Variants in ZNF148 observed in about 807,000 individuals in gnomAD.
The protein encoded by ZNF148 is zinc finger protein 148, also known as Beta-Enolase Repressor Factor-1.
In ZNF148, 7 loss-of-function variants were observed where a neutral mutation model predicts 67.7. The ratio of observed to expected loss-of-function variants is 0.10; its 90% CI spans 0.06 to 0.19. The LOEUF (loss-of-function observed/expected upper bound fraction) is 0.19. ZNF148 is among the 10% of genes least tolerant of loss of function. The pLI, the probability that ZNF148 is intolerant of heterozygous loss-of-function variation, is 1.00. For synonymous variants in ZNF148, 333 were observed against 330.7 expected, an observed-to-expected ratio of 1.01 and a Z score of -0.08; for missense variants, 583 against 947.1, an observed-to-expected ratio of 0.62 and a Z score of 5.05.
intron 4 of ZNF148, among the ~76,000 whole-genome samples, chr3:125,303,790 C>T (rs922690059): frequency 6.6e-6 from 1 of 151,936 alleles, no homozygotes; most frequent in African/African-American, 2.4e-5. Context: ...ATCTCCACCC[C>T]CACCCCATTC....
chr3:125,244,111 C>T (rs376554915), intron 7 of ZNF148, among the ~76,000 whole-genome samples: 1 of 152,126 alleles, frequency 6.6e-6, no homozygotes, highest in Non-Finnish European at 1.5e-5. Flanking sequence ...CTCCAGGTGT[C>T]CCACAAAATG....
Position 125,323,319 on chromosome 3 carries a change from G to T in ZNF148, c.-27C>A. ...AAGTATTAAAATTACCCGAGACTAAGGTAAAAACGAAGACTTCAAGGAAAG... is the reference window on the plus strand; with the variant it reads ...AAGTATTAAAATTACCCGAGACTAATGTAAAAACGAAGACTTCAAGGAAAG... On this transcript the variant is annotated 5_prime_UTR_variant, in exon 3 of 9. Coordinates refer to ENST00000360647, the MANE Select transcript of ZNF148 (RefSeq NM_021964.3). 2 of 639,992 alleles carry T rather than the reference G, an allele frequency of 3.1e-6. No individual in the cohort carries two copies. Among genetic ancestry groups the T allele is most frequent in the South Asian group, 3.6e-5 (2 of 56,020 alleles). The allele number at this position is 639,992 out of a possible 1,614,324, so 39.6% of individuals were successfully genotyped here. A position where few individuals can be genotyped will look rare whatever the true frequency, so the allele number is the denominator to read the frequency against.
At chr3:125,272,936 T>C (rs1034654937) in intron 7 of ZNF148, among the ~76,000 whole-genome samples, 2 of 152,186 alleles carry the variant, frequency 1.3e-5, no homozygotes, top group African/African-American at 2.4e-5. Flanking sequence ...CAGGAGCTTG[T>C]AGTGCACACA....
chr3:125,369,907 C>T (rs553535155), intron 1 of ZNF148, among the ~76,000 whole-genome samples: 2,051 of 61,654 alleles, frequency 0.033, 52 homozygotes, highest in African/African-American at 0.14. Context: ...ACCCAGGAGG[C>T]GGAGTTTGAA....
At chr3:125,317,887 T>C (rs1174890501) in intron 3 of ZNF148, among the ~76,000 whole-genome samples, 1 of 151,882 alleles carries the variant, frequency 6.6e-6, no homozygotes, top group Non-Finnish European at 1.5e-5. Flanking sequence ...GAATTGACTC[T>C]AGGTCTTGTT....
At chr3:125,320,728 G>T (rs1371050275) in intron 3 of ZNF148, among the ~76,000 whole-genome samples, 1 of 152,124 alleles carries the variant, frequency 6.6e-6, no homozygotes, top group South Asian at 2.1e-4. Flanking sequence ...AACTTCACTT[G>T]TAAGCCAAGA....
At chr3:125,350,185 A>T (rs1942090843) in intron 1 of ZNF148, among the ~76,000 whole-genome samples, 2 of 152,082 alleles carry the variant, frequency 1.3e-5, no homozygotes, top group Non-Finnish European at 2.9e-5. Context: ...TTTGAGACAG[A>T]GTCTCACTCT....
intron 7 of ZNF148, among the ~76,000 whole-genome samples, chr3:125,257,254 C>A (rs1170431004): frequency 6.6e-6 from 1 of 151,994 alleles, no homozygotes; most frequent in Non-Finnish European, 1.5e-5. Context: ...ATAATTTCTT[C>A]TTTTAAAATA....
intron 1 of ZNF148, among the ~76,000 whole-genome samples, chr3:125,355,444 A>G (rs913220068): frequency 6.6e-6 from 1 of 152,226 alleles, no homozygotes; most frequent in African/African-American, 2.4e-5. Context: ...ATGTCTCCAG[A>G]CGTTTGACAA....
chr3:125,350,679 G>A (rs553475188), intron 1 of ZNF148, among the ~76,000 whole-genome samples: 20 of 152,268 alleles, frequency 1.3e-4, no homozygotes, highest in Admixed American at 7.2e-4. Flanking sequence ...TAGGCTTCAC[G>A]CTCCTAAGAG....
intron 4 of ZNF148, among the ~76,000 whole-genome samples, chr3:125,299,141 T>G (rs1939451050): frequency 1.3e-5 from 2 of 152,216 alleles, no homozygotes; most frequent in Non-Finnish European, 2.9e-5. Context: ...TATGTAGTCC[T>G]TTTATAATAA....
chr3:125,290,586 T>G (rs907982901), intron 4 of ZNF148, among the ~76,000 whole-genome samples: 1 of 152,174 alleles, frequency 6.6e-6, no homozygotes, highest in Non-Finnish European at 1.5e-5. Context: ...ATAGCTGTCA[T>G]TCATTTTCTC....
chr3:125,244,873 C>T lies in ZNF148; in HGVS notation c.668-10544G>A, dbSNP rs1936527836. ...TTCTTTTTCTTGAAACTCACTTTTGCCTTGGCATCTATGACATCCATACTC... is the reference window on the plus strand; with the variant it reads ...TTCTTTTTCTTGAAACTCACTTTTGTCTTGGCATCTATGACATCCATACTC... On this transcript the variant is annotated intron_variant, in intron 7 of 8. Coordinates refer to ENST00000360647, the MANE Select transcript of ZNF148 (RefSeq NM_021964.3). Among the ~76,000 whole-genome samples, 3 of 152,104 alleles carry T rather than the reference C, an allele frequency of 2.0e-5. No individual in the cohort carries two copies. The South Asian group carries it at 6.2e-4, about 32-fold the overall frequency.
At chr3:125,317,045 A>T (rs1453444262) in intron 3 of ZNF148, among the ~76,000 whole-genome samples, 1 of 152,208 alleles carries the variant, frequency 6.6e-6, no homozygotes, top group Non-Finnish European at 1.5e-5. Flanking sequence ...GAAATACTCC[A>T]AATGAAAAAC....
In ZNF148 at chr3:125,344,274, G is replaced by A. The variant is rs373368201; in HGVS notation, c.-233-13036C>T. ...CCATCCCACTACCACCAAACGACAC[G>A]AAAGAGAATGAAGTGAAGCCCCCAT... On this transcript the variant is annotated intron_variant, in intron 1 of 8. Transcript: ENST00000360647. 5.9e-4 allele frequency: 243 copies of A among 409,046 alleles called. 8 individuals are homozygous for A. In the East Asian group the frequency reaches 6.4e-3, roughly 11 times the overall value. The allele number at this position is 409,046 out of a possible 1,614,324, so 25.3% of individuals were successfully genotyped here.
chr3:125,259,238 A>T (rs992012309), intron 7 of ZNF148, among the ~76,000 whole-genome samples: 2 of 152,202 alleles, frequency 1.3e-5, no homozygotes, highest in Non-Finnish European at 1.5e-5. Context: ...CCTCTACCCA[A>T]TATACAAATA....
rs574812286 is a variant in ZNF148, at chr3:125,307,597, A to C, written c.333+5711T>G. On this transcript the variant is annotated intron_variant, in intron 4 of 8. Coordinates refer to ENST00000360647, the MANE Select transcript of ZNF148 (RefSeq NM_021964.3). Reference sequence around the variant, plus strand: ...CACGTTTTTTAAACAAAGTCTCAGCAAACTAGGAAGAACACTTCAACCTAA... The same window carrying C: ...CACGTTTTTTAAACAAAGTCTCAGCCAACTAGGAAGAACACTTCAACCTAA... Among the ~76,000 whole-genome samples, 33 of 152,262 alleles carry C rather than the reference A, an allele frequency of 2.2e-4. No individual in the cohort carries two copies. The South Asian group carries it at 6.6e-3, about 31-fold the overall frequency.
chr3:125,253,391 G>A (rs1385052932), intron 7 of ZNF148, among the ~76,000 whole-genome samples: 1 of 152,042 alleles, frequency 6.6e-6, no homozygotes, highest in Non-Finnish European at 1.5e-5. Context: ...AATTTTCTAT[G>A]TATTTAAAAT....
chr3:125,272,747 T>C (rs903588643), intron 7 of ZNF148, among the ~76,000 whole-genome samples: 16 of 152,228 alleles, frequency 1.1e-4, no homozygotes, highest in Non-Finnish European at 2.2e-4. Flanking sequence ...ATATGTTTTA[T>C]GTATAACCAA....
Sources: allele counts gnomAD v4.1 joint callset (sites outside exome capture counted in the v4.1 genomes callset), GRCh38; gene constraint gnomAD v4.1.1; transcripts MANE v1.5; gene names NCBI Gene and HGNC (gene_info 2026-07-23, HGNC 2026-07-21).